UGT1A10: variants seen among roughly 807,000 people sequenced by gnomAD.
UGT1A10 encodes the protein UDP-glucuronosyltransferase 1A10.
A neutral mutation model predicts 45.8 loss-of-function variants in UGT1A10; 49 were observed. The ratio of observed to expected loss-of-function variants is 1.07; its 90% CI spans 0.85 to 1.36. The LOEUF is 1.36. Ranked by LOEUF, UGT1A10 falls within the 40% of genes most tolerant of loss-of-function variation. The pLI, the probability that UGT1A10 is intolerant of heterozygous loss-of-function variation, is 0.00. For missense variants in UGT1A10, 745 were observed against 668.6 expected, an observed-to-expected ratio of 1.11 and a Z score of -1.26; for synonymous variants, 284 against 249.7, an observed-to-expected ratio of 1.14 and a Z score of -1.29.
chr2:233,662,063 A>G (rs773767880), intron 1 of UGT1A10, among the ~76,000 whole-genome samples: 9 of 152,160 alleles, frequency 5.9e-5, no homozygotes, highest in Non-Finnish European at 1.2e-4. Flanking sequence ...TGAAATTATC[A>G]CAATAGTACA....
At chr2:233,671,941 T>C (rs146740151) in intron 1 of UGT1A10, 22 of 1,608,618 alleles carry the variant, frequency 1.4e-5, no homozygotes, top group Non-Finnish European at 1.6e-5. Context: ...TCTGATGGCT[T>C]GCACAGGGTG....
At chr2:233,684,145 C>A (rs1288847651) in intron 1 of UGT1A10, among the ~76,000 whole-genome samples, 1 of 152,164 alleles carries the variant, frequency 6.6e-6, no homozygotes, top group East Asian at 1.9e-4. Context: ...GACTTTGTAA[C>A]ACAGTCACAT....
chr2:233,771,547 G>A (rs1443760906), intron 4 of UGT1A10: 1 of 152,190 alleles, frequency 6.6e-6, no homozygotes, highest in Non-Finnish European at 1.5e-5. Context: ...ACTTACAAAT[G>A]GCTGTTAATT....
chr2:233,691,318 C>T lies in UGT1A10; in HGVS notation c.855+53941C>T, dbSNP rs28898575. 2.2e-3 allele frequency: 2,162 copies of T among 985,518 alleles called. 49 individuals are homozygous for T. In the African/African-American group the frequency reaches 0.035, roughly 16 times the overall value. The allele number at this position is 985,518 out of a possible 1,614,324, so 61.0% of individuals were successfully genotyped here. A position where few individuals can be genotyped will look rare whatever the true frequency, so the allele number is the denominator to read the frequency against. ...TGCCAATCCTCTTGGGAGGCTGCTC[C>T]CAGCTTGGACTGAGCTGAGTCTTCG... On this transcript the variant is annotated intron_variant, in intron 1 of 4. Coordinates refer to ENST00000344644, the MANE Select transcript of UGT1A10 (RefSeq NM_019075.4).
intron 1 of UGT1A10, chr2:233,760,670 C>T: frequency 6.2e-7 from 1 of 1,614,098 alleles, no homozygotes; most frequent in Non-Finnish European, 8.5e-7. Context: ...TCTGGCTGTT[C>T]CCACTTACTG....
intron 1 of UGT1A10, among the ~76,000 whole-genome samples, chr2:233,715,827 T>C (rs1034549084): frequency 6.6e-6 from 1 of 152,092 alleles, no homozygotes; most frequent in African/African-American, 2.4e-5. Flanking sequence ...TTAGAAAACA[T>C]TTTTTTAAAA....
rs1319041279 is a variant in UGT1A10 at position 233,750,932 on chromosome 2, G to C, written c.856-16102G>C. Among the ~76,000 whole-genome samples the C allele has an allele frequency of 2.6e-5, 4 of 151,980 alleles. No homozygotes were observed. The East Asian group carries it at 7.7e-4, about 29-fold the overall frequency. ...AAGGGTGGTAAAGAAATGTGAGGTT[G>C]GAGCCCCCACACAGAGTCTCCACTG... On this transcript the variant is annotated intron_variant, in intron 1 of 4. Coordinates refer to ENST00000344644, the MANE Select transcript of UGT1A10 (RefSeq NM_019075.4).
chr2:233,680,628 G>A (rs1444345602), intron 1 of UGT1A10, among the ~76,000 whole-genome samples: 1 of 152,162 alleles, frequency 6.6e-6, no homozygotes, highest in Non-Finnish European at 1.5e-5. Flanking sequence ...CCAATGCAAT[G>A]AGAATTCCCA....
At chr2:233,738,500 C>T (rs1380943528) in intron 1 of UGT1A10, among the ~76,000 whole-genome samples, 1 of 152,068 alleles carries the variant, frequency 6.6e-6, no homozygotes, top group Admixed American at 6.5e-5. Context: ...CGGTTTTGAC[C>T]AAAATGCTGA....
rs923296681 is a variant in UGT1A10 at position 233,722,920 on chromosome 2, C to A, written c.856-44114C>A. 6.3e-5 allele frequency among the ~76,000 whole-genome samples: 8 copies of A among 127,544 alleles called. No individual in the cohort carries two copies. In the East Asian group the frequency reaches 2.1e-3, roughly 34 times the overall value. 83.7% of individuals were successfully genotyped at this position (127,544 alleles called of 152,430 possible). On this transcript the variant is annotated intron_variant, in intron 1 of 4. Coordinates refer to ENST00000344644, the MANE Select transcript of UGT1A10 (RefSeq NM_019075.4). The stretch of plus-strand genomic sequence containing the variant: ...AGTGGATCATCATAAAGGTCTTCAT[C>A]CTCATTGTCTCCATGCTGAGTGGGC...
At chr2:233,650,151 G>A (rs2073703735) in intron 1 of UGT1A10, among the ~76,000 whole-genome samples, 1 of 152,036 alleles carries the variant, frequency 6.6e-6, no homozygotes, top group Non-Finnish European at 1.5e-5. Flanking sequence ...TGTAATTTTA[G>A]TAGAGGCAGG....
intron 1 of UGT1A10, among the ~76,000 whole-genome samples, chr2:233,725,079 CG>C (rs1365887485): frequency 6.9e-6 from 1 of 144,208 alleles, no homozygotes; most frequent in Non-Finnish European, 1.5e-5. Context: ...CGCAGGCACT[CG>C]GCAGGCTGAG....
intron 1 of UGT1A10, chr2:233,747,771 T>C (rs1693772366): frequency 2.5e-6 from 4 of 1,613,546 alleles, no homozygotes; most frequent in Non-Finnish European, 3.4e-6. Context: ...GGGCACACAG[T>C]GTCCAAATCC....
chr2:233,733,736 T>C (rs558044026), intron 1 of UGT1A10, among the ~76,000 whole-genome samples: 3 of 152,366 alleles, frequency 2.0e-5, no homozygotes, highest in African/African-American at 7.2e-5. Context: ...TTTGCATCGA[T>C]GTTCATCAGG....
chr2:233,730,518 T>C (rs1423750757), intron 1 of UGT1A10, among the ~76,000 whole-genome samples: 2 of 152,032 alleles, frequency 1.3e-5, no homozygotes, highest in African/African-American at 4.8e-5. Context: ...TCAGTGGAAG[T>C]GGGGCAATGA....
At chr2:233,697,189 C>T (rs1604144) in intron 1 of UGT1A10, among the ~76,000 whole-genome samples, 49,533 of 151,890 alleles carry the variant, frequency 0.33, 8,582 homozygotes, top group African/African-American at 0.44. Context: ...TAGAATTCAG[C>T]AGTGAATCCA....
chr2:233,768,219 G>T lies in UGT1A10; in HGVS notation c.1076-1G>T. 1 of 1,614,092 alleles carries T rather than the reference G, an allele frequency of 6.2e-7. No individual in the cohort carries two copies. The highest frequency in any genetic ancestry group is 8.5e-7 in the Non-Finnish European group (1 of 1,180,022). On this transcript the variant is annotated splice_acceptor_variant, in intron 3 of 4. Transcript: ENST00000344644. LOFTEE classifies it high-confidence loss of function. Reference sequence around the variant, plus strand: ...GACATCCTCCCTATTTTGCATCTCAGGTCACCCGATGACCCGTGCCTTTAT... The same window carrying T: ...GACATCCTCCCTATTTTGCATCTCATGTCACCCGATGACCCGTGCCTTTAT...
rs774683875 is a variant in UGT1A10 at position 233,713,284 on chromosome 2, A to C, written c.856-53750A>C. 1.9e-6 allele frequency: 3 copies of C among 1,614,270 alleles called. No individual in the cohort carries two copies. The East Asian group carries it at 6.7e-5, about 36-fold the overall frequency. On this transcript the variant is annotated intron_variant, in intron 1 of 4. Coordinates refer to ENST00000344644, the MANE Select transcript of UGT1A10 (RefSeq NM_019075.4). ...GATCGCCTTTTGCTGGGTCACACTCAATCGTTCTTTGAAACAGAACATCTT... is the reference window on the plus strand; with the variant it reads ...GATCGCCTTTTGCTGGGTCACACTCCATCGTTCTTTGAAACAGAACATCTT...
intron 1 of UGT1A10, chr2:233,672,300 A>G (rs1400844139): frequency 6.2e-7 from 1 of 1,613,686 alleles, no homozygotes. Flanking sequence ...TATTTTTTTC[A>G]AATTGCAGGA....
Sources: gnomAD v4.1 joint callset for allele counts (sites outside exome capture counted in the v4.1 genomes callset) on GRCh38, gnomAD v4.1.1 for gene constraint, MANE v1.5 for transcripts, NCBI Gene and HGNC (gene_info 2026-07-23, HGNC 2026-07-21) for gene names.